GARRE1: variants seen among roughly 807,000 people sequenced by gnomAD.
GARRE1 encodes the protein granule associated Rac and RHOG effector 1.
A neutral mutation model predicts 103.2 loss-of-function variants in GARRE1; 49 were observed. That is an observed-to-expected ratio of 0.47 (90% CI 0.38 to 0.60). The LOEUF (loss-of-function observed/expected upper bound fraction) is 0.60. GARRE1 is among the 20% of genes least tolerant of loss of function. GARRE1 has a pLI of 0.00. For synonymous variants in GARRE1, 505 were observed against 532.8 expected (o/e 0.95, Z 0.72); for missense variants, 1,199 against 1,370.5 (o/e 0.87, Z 1.98).
Position 34,346,428 on chromosome 19 carries a change from A to T in GARRE1, c.2522-1449A>T, listed in dbSNP as rs116571827. 9.4e-3 allele frequency among the ~76,000 whole-genome samples: 1,426 copies of T among 152,268 alleles called. 16 individuals are homozygous for T. The highest frequency in any genetic ancestry group is 0.032 in the African/African-American group (1,324 of 41,532). ...TTAAGATGTTCAGATGGAATGAGCA[A>T]ATCTCCTGTCAATAGCCAGGAAAAT... On this transcript the variant is annotated intron_variant, in intron 10 of 13. Coordinates refer to ENST00000299505, the MANE Select transcript of GARRE1 (RefSeq NM_014686.5).
At chr19:34,351,906 G>C (rs2145289582) in intron 13 of GARRE1, among the ~76,000 whole-genome samples, 1 of 151,796 alleles carries the variant, frequency 6.6e-6, no homozygotes, top group East Asian at 2.0e-4. Flanking sequence ...TTCTTGACCA[G>C]CCCAGGTAAT....
At position 34,300,395 on chromosome 19, in the gene GARRE1, T is replaced by C. The variant is rs996985670; in HGVS notation, c.-79T>C. 1.4e-6 allele frequency: 2 copies of C among 1,479,626 alleles called. No individual in the cohort carries two copies. The highest frequency in any genetic ancestry group is 1.8e-6 in the Non-Finnish European group (2 of 1,108,430). 91.7% of individuals were successfully genotyped at this position (1,479,626 alleles called of 1,614,324 possible). A position where few individuals can be genotyped will look rare whatever the true frequency, so the allele number is the denominator to read the frequency against. On this transcript the variant is annotated 5_prime_UTR_variant, in exon 2 of 14. Coordinates refer to ENST00000299505, the MANE Select transcript of GARRE1 (RefSeq NM_014686.5). ...TCGATTTGCAGAACTCCACTATTTTTATACCTAGCTACAGTTTTGAGAAAG... is the reference window on the plus strand; with the variant it reads ...TCGATTTGCAGAACTCCACTATTTTCATACCTAGCTACAGTTTTGAGAAAG...
chr19:34,335,994 A>AT (rs934796981), intron 8 of GARRE1, among the ~76,000 whole-genome samples: 15 of 148,320 alleles, frequency 1.0e-4, no homozygotes, highest in East Asian at 2.0e-4. Flanking sequence ...TATTATTATT[A>AT]TTTTTTTTTT....
intron 2 of GARRE1, among the ~76,000 whole-genome samples, chr19:34,315,867 T>C (rs2145256038): frequency 6.6e-6 from 1 of 152,260 alleles, no homozygotes; most frequent in Middle Eastern, 3.4e-3. Flanking sequence ...TAGCAGCAGA[T>C]GTTGTGTGTG....
rs767980511 is a variant in GARRE1 at position 34,342,006 on chromosome 19, A to G, written c.2072A>G (p.Gln691Arg). The change falls in exon 10 of 14, where the codon CAG (glutamine) becomes CGG (arginine). Residue 691 changes from glutamine (Q) to arginine (R), a missense_variant. Physicochemically the swap from Gln to Arg is conservative, Grantham distance 43 (BLOSUM62 1). Coordinates refer to ENST00000299505, the MANE Select transcript of GARRE1 (RefSeq NM_014686.5). ...EQKAGAMQPQ[Q>R]PSLPVPPPPR... is the part of the protein sequence containing the mutation. ...AAGGCAGGAGCCATGCAACCACAGC[A>G]GCCGTCACTGCCTGTGCCCCCTCCA... is the stretch of plus-strand genomic sequence containing the variant. 1 of 1,614,164 alleles carries G rather than the reference A, an allele frequency of 6.2e-7. No individual in the cohort carries two copies. The highest frequency in any genetic ancestry group is 2.2e-5 in the East Asian group (1 of 44,874).
At chr19:34,268,274 C>T (rs919393964) in intron 1 of GARRE1, among the ~76,000 whole-genome samples, 5 of 152,082 alleles carry the variant, frequency 3.3e-5, no homozygotes, top group Admixed American at 6.6e-5. Flanking sequence ...CAAACTTTTT[C>T]GGAAGTTTAG....
In GARRE1 at chr19:34,330,310, A is replaced by C. The variant is rs2074131567; in HGVS notation, c.1226A>C (p.Lys409Thr). 1.9e-6 allele frequency: 3 copies of C among 1,614,122 alleles called. No individual in the cohort carries two copies. The highest frequency in any genetic ancestry group is 1.7e-5 in the Admixed American group (1 of 60,000). Residue 409 changes from lysine to threonine, a missense_variant, in exon 7 of 14, where the codon AAG becomes ACG. Coordinates refer to ENST00000299505, the MANE Select transcript of GARRE1 (RefSeq NM_014686.5). ...VCPSTWRGAC[K>T]TAVQLLFGQA... is the part of the protein sequence containing the mutation. ...CCTTCCACATGGCGAGGTGCCTGCAAGACGGCGGTGCAGCTGCTGTTTGGC... is the reference window on the plus strand; with the variant it reads ...CCTTCCACATGGCGAGGTGCCTGCACGACGGCGGTGCAGCTGCTGTTTGGC...
chr19:34,269,823 A>G (rs1039042097), intron 1 of GARRE1, among the ~76,000 whole-genome samples: 2 of 152,218 alleles, frequency 1.3e-5, no homozygotes, highest in African/African-American at 4.8e-5. Flanking sequence ...CTGCTAGAAC[A>G]GTTCAGTTTT....
At chr19:34,275,547 A>G (rs1373773412) in intron 1 of GARRE1, among the ~76,000 whole-genome samples, 2 of 152,170 alleles carry the variant, frequency 1.3e-5, no homozygotes, top group Non-Finnish European at 2.9e-5. Context: ...TCATCCATGT[A>G]TCAGTACTTT....
chr19:34,307,689 TTATATATACATATATACTTA>T (rs2074014893), intron 2 of GARRE1, among the ~76,000 whole-genome samples: 2 of 51,836 alleles, frequency 3.9e-5, no homozygotes, highest in East Asian at 2.8e-4. Context: ...ACATATATAC[TTATATATACATATATACTTA>T]TATATATACT....
intron 3 of GARRE1, among the ~76,000 whole-genome samples, chr19:34,325,940 C>T (rs1268738780): frequency 6.6e-6 from 1 of 152,178 alleles, no homozygotes; most frequent in Non-Finnish European, 1.5e-5. Context: ...ACCCTAAGTG[C>T]TGCTTTCTGG....
intron 1 of GARRE1, among the ~76,000 whole-genome samples, chr19:34,254,951 C>T (rs2073661636): frequency 6.6e-6 from 1 of 151,456 alleles, no homozygotes; most frequent in Non-Finnish European, 1.5e-5. Context: ...GGGACGCTCC[C>T]TCGGTTCGCC....
In GARRE1 at chr19:34,353,757, G is replaced by C. The variant is rs1032827161; in HGVS notation, c.*802G>C. ...CCATGTGCAGAGCAAGGCTGCACCT[G>C]CTGCCCTTCGATCCTTCCACACATG... On this transcript the variant is annotated 3_prime_UTR_variant, in exon 14 of 14. Transcript: ENST00000299505. The C allele has an allele frequency of 6.6e-6, 1 of 152,380 alleles. No homozygotes were observed. Among genetic ancestry groups the C allele is most frequent in the South Asian group, 2.1e-4 (1 of 4,828 alleles). 9.4% of individuals were successfully genotyped at this position (152,380 alleles called of 1,614,324 possible).
At chr19:34,257,404 C>G (rs1235028028) in intron 1 of GARRE1, among the ~76,000 whole-genome samples, 1 of 152,026 alleles carries the variant, frequency 6.6e-6, no homozygotes, top group African/African-American at 2.4e-5. Flanking sequence ...GTGGCGCAAT[C>G]TTGGCTTACT....
In GARRE1 at chr19:34,328,124, G is replaced by T. The variant is rs150271865; in HGVS notation, c.1077G>T (p.Ser359=). 1.9e-6 allele frequency: 3 copies of T among 1,614,020 alleles called. No homozygotes were observed. The highest frequency in any genetic ancestry group is 2.5e-6 in the Non-Finnish European group (3 of 1,180,036). The change falls in exon 6 of 14, where the codon TCG becomes TCT. Residue 359 remains serine, a synonymous_variant. Coordinates refer to ENST00000299505, the MANE Select transcript of GARRE1 (RefSeq NM_014686.5). ...TGAAGGGCGTCTCCTTTAATGAGTCGGCCGCCGACAATCTGAAACTTAAGA... is the reference window on the plus strand; with the variant it reads ...TGAAGGGCGTCTCCTTTAATGAGTCTGCCGCCGACAATCTGAAACTTAAGA... ...HFLKGVSFNE[S]AADNLKLKTH...
At position 34,330,171 on chromosome 19, in the gene GARRE1, C is replaced by A; in HGVS notation, c.1105-18C>A. 1 of 1,610,446 alleles carries A rather than the reference C, an allele frequency of 6.2e-7. No individual in the cohort carries two copies. On this transcript the variant is annotated intron_variant, in intron 6 of 13. Coordinates refer to ENST00000299505, the MANE Select transcript of GARRE1 (RefSeq NM_014686.5). The stretch of plus-strand genomic sequence containing the variant: ...GGCTTTGTCTTGAGGTGTGAACTCT[C>A]TTCTTATCAATCTATAGCATACAAT...
At chr19:34,316,174 G>A (rs888361027) in intron 2 of GARRE1, among the ~76,000 whole-genome samples, 14 of 152,140 alleles carry the variant, frequency 9.2e-5, no homozygotes, top group African/African-American at 3.1e-4. Flanking sequence ...GTTATCATCC[G>A]TAAAATGGGT....
chr19:34,286,302 C>G (rs1256414559), intron 1 of GARRE1, among the ~76,000 whole-genome samples: 1 of 150,782 alleles, frequency 6.6e-6, no homozygotes, highest in East Asian at 2.0e-4. Flanking sequence ...TCACTGCAAG[C>G]TCTGCCTCCC....
chr19:34,301,982 CTTTTTTTTTTTTT>C (rs35417822), intron 2 of GARRE1, among the ~76,000 whole-genome samples: 5 of 50,030 alleles, frequency 1.0e-4, no homozygotes, highest in African/African-American at 1.3e-4. Context: ...TGCGCCCAGC[CTTTTTTTTTTTTT>C]TTTTTTTTTT....
Sources: allele counts gnomAD v4.1 joint callset (sites outside exome capture counted in the v4.1 genomes callset), GRCh38; gene constraint gnomAD v4.1.1; transcripts MANE v1.5; gene names NCBI Gene and HGNC (gene_info 2026-07-23, HGNC 2026-07-21).